The following SNX24 variants were observed in gnomAD, a reference collection of about 807,000 sequenced individuals.
SNX24 encodes the protein sorting nexin 24.
Under a neutral mutation model 28.7 loss-of-function variants are expected in SNX24, and 22 were observed. The ratio of observed to expected loss-of-function variants is 0.77; its 90% CI spans 0.55 to 1.10. The LOEUF is 1.10. SNX24 is among the 50% of genes least tolerant of loss of function. The pLI is 0.00. For missense variants in SNX24, 221 were observed against 201.1 expected (o/e 1.10, Z -0.60); for synonymous variants, 69 against 71.5 (o/e 0.96, Z 0.18).
At chr5:122,950,741 G>A (rs1759902954) in intron 3 of SNX24, among the ~76,000 whole-genome samples, 2 of 152,154 alleles carry the variant, frequency 1.3e-5, no homozygotes, top group Non-Finnish European at 1.5e-5. Context: ...GCCTGCTCCT[G>A]AAGATGAGGG....
At position 122,989,948 on chromosome 5, in the gene SNX24, T is replaced by C. The variant is rs568469951; in HGVS notation, c.250-9964T>C. Among the ~76,000 whole-genome samples, 6 of 152,362 alleles carry C rather than the reference T, an allele frequency of 3.9e-5. No homozygotes were observed. In the South Asian group the frequency reaches 1.2e-3, roughly 32 times the overall value. ...GTAGACAGCCCTAATTTCTCATCTT[T>C]CTTGCTATTGTGTTCTGTCCCAGTA... On this transcript the variant is annotated intron_variant, in intron 3 of 6. Transcript: ENST00000261369.
chr5:122,946,193 A>G (rs1408825765), intron 3 of SNX24, 34 bp downstream of exon 3: 2 of 1,195,520 alleles, frequency 1.7e-6, no homozygotes, highest in African/African-American at 1.5e-5. Flanking sequence ...TTTATATAAC[A>G]TAAATAATCA....
At position 122,999,959 on chromosome 5, in the gene SNX24, C is replaced by A. The variant is rs1295416924; in HGVS notation, c.297C>A (p.Phe99Leu). Residue 99 changes from phenylalanine (F) to leucine (L), a missense_variant, in exon 4 of 7, where the codon TTC (phenylalanine) becomes TTA (leucine). Coordinates refer to ENST00000261369, the MANE Select transcript of SNX24 (RefSeq NM_014035.4). ...NEELPKLFLD[F>L]LNVRHLPSLP... ...AACTTCCCAAACTGTTTCTTGATTT[C>A]CTAAATGTGCGACACTTGCCCTCTC... is the stretch of plus-strand genomic sequence containing the variant. The A allele has an allele frequency of 1.2e-6, 2 of 1,613,490 alleles. No individual in the cohort carries two copies. Among genetic ancestry groups the A allele is most frequent in the South Asian group, 2.2e-5 (2 of 91,064 alleles).
chr5:122,976,254 A>G (rs914597075), intron 3 of SNX24, among the ~76,000 whole-genome samples: 1 of 151,016 alleles, frequency 6.6e-6, no homozygotes, highest in Non-Finnish European at 1.5e-5. Flanking sequence ...GAGGTCCGTG[A>G]AGACCAAAAT....
chr5:122,911,618 C>G (rs897853519), intron 1 of SNX24, among the ~76,000 whole-genome samples: 2 of 148,274 alleles, frequency 1.3e-5, no homozygotes, highest in Non-Finnish European at 1.5e-5. Context: ...ACGTTTAAGT[C>G]TTTAATCCAT....
intron 1 of SNX24, among the ~76,000 whole-genome samples, chr5:122,907,484 G>A (rs527897564): frequency 3.0e-4 from 45 of 152,252 alleles, no homozygotes; most frequent in Middle Eastern, 3.4e-3. Flanking sequence ...TCACGGGGCT[G>A]GTAATTCTGT....
Position 122,923,581 on chromosome 5 carries a change from G to A in SNX24, c.61-13153G>A, listed in dbSNP as rs555502563. Among the ~76,000 whole-genome samples the A allele has an allele frequency of 4.6e-5, 7 of 152,258 alleles. No homozygotes were observed. In the South Asian group the frequency reaches 6.2e-4, roughly 14 times the overall value. On this transcript the variant is annotated intron_variant, in intron 1 of 6. Transcript: ENST00000261369. Reference sequence around the variant, plus strand: ...TAGTAGACTTTACGAAATGGCCTGCGTTCTTTCACGGACACAGAGGTTGTC... The same window carrying A: ...TAGTAGACTTTACGAAATGGCCTGCATTCTTTCACGGACACAGAGGTTGTC...
At chr5:122,892,285 AGTT>A (rs1315538526) in intron 1 of SNX24, among the ~76,000 whole-genome samples, 4 of 152,098 alleles carry the variant, frequency 2.6e-5, no homozygotes, top group Admixed American at 2.6e-4. Context: ...TCAGAAAGTT[AGTT>A]GTTATCTTAC....
chr5:123,006,738 CCA>C (rs1371546513), intron 6 of SNX24, among the ~76,000 whole-genome samples: 1 of 152,180 alleles, frequency 6.6e-6, no homozygotes, highest in East Asian at 1.9e-4. Context: ...CTCCCTCTGG[CCA>C]CAGACTTGCC....
At chr5:122,946,015 T>G (rs762270756) in intron 2 of SNX24, 40 bp from the exon 3 acceptor site, 2 of 914,222 alleles carry the variant, frequency 2.2e-6, no homozygotes, top group Non-Finnish European at 1.5e-6. Flanking sequence ...GACATCTCTG[T>G]TTTTTTTTTT....
chr5:122,846,165 G>C (rs1754624732), intron 1 of SNX24, among the ~76,000 whole-genome samples: 1 of 151,770 alleles, frequency 6.6e-6, no homozygotes, highest in Non-Finnish European at 1.5e-5. Flanking sequence ...CTAAACACGT[G>C]TATTGATTTT....
At chr5:122,910,135 A>C (rs1054234126) in intron 1 of SNX24, among the ~76,000 whole-genome samples, 1 of 152,188 alleles carries the variant, frequency 6.6e-6, no homozygotes, top group African/African-American at 2.4e-5. Context: ...ACTTGGGGAA[A>C]TGTAATTGAA....
At chr5:122,902,110 C>T (rs960577923) in intron 1 of SNX24, among the ~76,000 whole-genome samples, 2 of 152,214 alleles carry the variant, frequency 1.3e-5, no homozygotes, top group African/African-American at 4.8e-5. Context: ...GGCCCTTGTT[C>T]ACACTCCTCC....
chr5:122,949,148 G>A (rs775550307), intron 3 of SNX24, among the ~76,000 whole-genome samples: 9 of 152,076 alleles, frequency 5.9e-5, no homozygotes, highest in Non-Finnish European at 8.8e-5. Flanking sequence ...AACCTGTTTT[G>A]GCATCTGTAC....
At chr5:122,965,358 T>TGTAG in intron 3 of SNX24, 1 of 429,024 alleles carries the variant, frequency 2.3e-6, no homozygotes, top group East Asian at 7.1e-5. Context: ...CTGCCACAGG[T>TGTAG]ACCTGGATAG....
chr5:122,919,571 G>GTT (rs397999139), intron 1 of SNX24, among the ~76,000 whole-genome samples: 7 of 143,702 alleles, frequency 4.9e-5, no homozygotes, highest in African/African-American at 5.1e-5. Context: ...AGTCATTTTA[G>GTT]TTTTTTTTTT....
rs1309220205 is a variant in SNX24 at position 123,008,376 on chromosome 5, G to C, written c.*627G>C. The C allele has an allele frequency of 1.2e-6, 1 of 840,536 alleles. No homozygotes were observed. Among genetic ancestry groups the C allele is most frequent in the East Asian group, 1.2e-4 (1 of 8,132 alleles). 52.1% of individuals were successfully genotyped at this position (840,536 alleles called of 1,614,324 possible). A position where few individuals can be genotyped will look rare whatever the true frequency, so the allele number is the denominator to read the frequency against. Reference sequence around the variant, plus strand: ...ATCATACTCAGGGGTTAGCTTCCAAGGTCAGTACATAGGTAAAATGGGCTA... The same window carrying C: ...ATCATACTCAGGGGTTAGCTTCCAACGTCAGTACATAGGTAAAATGGGCTA... On this transcript the variant is annotated 3_prime_UTR_variant, in exon 7 of 7. Transcript: ENST00000261369.
intron 1 of SNX24, among the ~76,000 whole-genome samples, chr5:122,862,451 G>A (rs960046686): frequency 2.6e-5 from 4 of 151,218 alleles, no homozygotes; most frequent in East Asian, 1.9e-4. Flanking sequence ...CCGTCTCTCC[G>A]AAAAAAAAGT....
intron 3 of SNX24, among the ~76,000 whole-genome samples, chr5:122,979,426 G>A (rs1561688039): frequency 6.6e-6 from 1 of 152,172 alleles, no homozygotes; most frequent in South Asian, 2.1e-4. Context: ...TTGTGAAAAG[G>A]GGTGTAGATC....
Sources: gnomAD v4.1 joint callset for allele counts (sites outside exome capture counted in the v4.1 genomes callset) on GRCh38, gnomAD v4.1.1 for gene constraint, MANE v1.5 for transcripts, NCBI Gene and HGNC (gene_info 2026-07-23, HGNC 2026-07-21) for gene names.